Variants in CACNA2D1 observed in about 807,000 individuals in gnomAD.
CACNA2D1 encodes the protein voltage-dependent calcium channel subunit alpha-2/delta-1.
A neutral mutation model predicts 171.5 loss-of-function variants in CACNA2D1; 53 were observed. The observed-to-expected ratio is 0.31, with a 90% CI of 0.25 to 0.39. The LOEUF (loss-of-function observed/expected upper bound fraction) is 0.39. Ranked by LOEUF, CACNA2D1 falls within the 10% of genes least tolerant of loss-of-function variation. The pLI is 1.00. For missense variants in CACNA2D1, 903 were observed against 1,299.8 expected (o/e 0.69, Z 4.69); for synonymous variants, 442 against 443.1 (o/e 1.00, Z 0.03).
intron 3 of CACNA2D1, among the ~76,000 whole-genome samples, chr7:82,284,061 G>A (rs1389019741): frequency 6.6e-6 from 1 of 151,882 alleles, no homozygotes; most frequent in Non-Finnish European, 1.5e-5. Context: ...TGGGTGTAGT[G>A]GTGTGCACCT....
chr7:82,343,070 T>A (rs186967977), intron 2 of CACNA2D1: 19 of 152,336 alleles, frequency 1.2e-4, no homozygotes, highest in Admixed American at 3.9e-4. Context: ...TACACACATA[T>A]ATAAATGCAT....
chr7:82,153,146 G>A (rs548440192), intron 4 of CACNA2D1, among the ~76,000 whole-genome samples: 1 of 150,398 alleles, frequency 6.6e-6, no homozygotes, highest in South Asian at 2.1e-4. Flanking sequence ...TATATGAAAG[G>A]CTGAGACCTT....
At chr7:81,951,970 T>TTTTTTTTTTTTTTTTTTTTG (rs1584129420) in intron 38 of CACNA2D1, among the ~76,000 whole-genome samples, 14 of 23,958 alleles carry the variant, frequency 5.8e-4, no homozygotes, top group East Asian at 3.2e-3. Flanking sequence ...GTACAAAGTG[T>TTTTTTTTTTTTTTTTTTTTG]TTTTTTTTTT....
At chr7:82,097,126 C>T (rs545483968) in intron 6 of CACNA2D1, among the ~76,000 whole-genome samples, 19 of 152,166 alleles carry the variant, frequency 1.2e-4, no homozygotes, top group Middle Eastern at 3.4e-3. Context: ...CCAGTGAACT[C>T]GCTGTACAGG....
At chr7:82,014,974 C>T (rs1200283121) in intron 12 of CACNA2D1, among the ~76,000 whole-genome samples, 2 of 152,022 alleles carry the variant, frequency 1.3e-5, no homozygotes, top group Admixed American at 6.6e-5. Flanking sequence ...ATTGCTTGAA[C>T]CAGGGAGGCG....
At chr7:82,284,299 C>T (rs961891822) in intron 3 of CACNA2D1, among the ~76,000 whole-genome samples, 14 of 152,046 alleles carry the variant, frequency 9.2e-5, no homozygotes, top group African/African-American at 2.2e-4. Flanking sequence ...ATGAGCATCA[C>T]GTATCTTGTA....
At chr7:82,348,361 CTAGTAATCGAGATTTT>C (rs1346269403) in intron 2 of CACNA2D1, among the ~76,000 whole-genome samples, 1 of 151,944 alleles carries the variant, frequency 6.6e-6, no homozygotes, top group African/African-American at 2.4e-5. Flanking sequence ...TTTCTTTGCA[CTAGTAATCGAGATTTT>C]TTTTTTATCA....
In CACNA2D1 at chr7:82,144,301, A is replaced by G. The variant is rs190928130; in HGVS notation, c.355-7625T>C. Among the ~76,000 whole-genome samples, 43 of 152,184 alleles carry G rather than the reference A, an allele frequency of 2.8e-4. No homozygotes were observed. In the East Asian group the frequency reaches 6.9e-3, roughly 25 times the overall value. On this transcript the variant is annotated intron_variant, in intron 4 of 38. Coordinates refer to ENST00000356860, the MANE Select transcript of CACNA2D1 (RefSeq NM_000722.4). ...AATCTGATTTTCTATTACTAATAGTATTATTTGCTTAAAGTTTAATTTTTA... is the reference window on the plus strand; with the variant it reads ...AATCTGATTTTCTATTACTAATAGTGTTATTTGCTTAAAGTTTAATTTTTA...
chr7:82,091,273 C>G (rs1390494789), intron 6 of CACNA2D1, among the ~76,000 whole-genome samples: 1 of 152,162 alleles, frequency 6.6e-6, no homozygotes, highest in African/African-American at 2.4e-5. Context: ...CCACCTCGCA[C>G]TGAGGATGGG....
At chr7:82,012,330 G>T in intron 14 of CACNA2D1, 87 bp from the exon 15 acceptor site, 2 of 749,824 alleles carry the variant, frequency 2.7e-6, no homozygotes, top group Admixed American at 2.0e-5. Context: ...ATATTCTAGA[G>T]TTAAAAATGA....
At chr7:82,136,586 A>AT in intron 5 of CACNA2D1, 49 bp downstream of exon 5, 1 of 1,420,912 alleles carries the variant, frequency 7.0e-7, no homozygotes, top group Non-Finnish European at 9.8e-7. Context: ...AAGGCCAATC[A>AT]TTTTACTATA....
At chr7:81,967,778 G>C in intron 29 of CACNA2D1, 115 bp from the exon 30 acceptor site, 1 of 610,416 alleles carries the variant, frequency 1.6e-6, no homozygotes, top group South Asian at 2.0e-5. Context: ...AGAAGTTTTA[G>C]TTTTGTGTTC....
intron 18 of CACNA2D1, among the ~76,000 whole-genome samples, chr7:82,002,380 G>A (rs1798703206): frequency 6.6e-6 from 1 of 152,128 alleles, no homozygotes; most frequent in South Asian, 2.1e-4. Flanking sequence ...AGAACTGTGA[G>A]TTACTAAATT....
At chr7:82,179,334 G>GA (rs1796880340) in intron 3 of CACNA2D1, among the ~76,000 whole-genome samples, 1 of 151,880 alleles carries the variant, frequency 6.6e-6, no homozygotes, top group Admixed American at 6.6e-5. Flanking sequence ...CTGTGGAGAG[G>GA]AAAAAAACAA....
chr7:82,035,246 G>A lies in CACNA2D1; in HGVS notation c.1039-2345C>T, dbSNP rs374713780. On this transcript the variant is annotated intron_variant, in intron 11 of 38. Transcript: ENST00000356860. ...AATATTTTATGAAATGGTACCTGAA[G>A]ATTAATTCAAATCTAAATGTAAGTT... Among the ~76,000 whole-genome samples, 376 of 151,802 alleles carry A rather than the reference G, an allele frequency of 2.5e-3. 4 individuals carry two copies. Among genetic ancestry groups the A allele is most frequent in the South Asian group, 8.1e-3 (39 of 4,814 alleles).
chr7:82,131,872 G>A (rs185425766), intron 5 of CACNA2D1, among the ~76,000 whole-genome samples: 27 of 152,222 alleles, frequency 1.8e-4, no homozygotes, highest in East Asian at 5.8e-4. Flanking sequence ...ACCAGCCAAC[G>A]CATATATAAA....
chr7:82,067,710 T>C (rs571477116), intron 7 of CACNA2D1, among the ~76,000 whole-genome samples: 10 of 152,330 alleles, frequency 6.6e-5, no homozygotes, highest in African/African-American at 2.4e-4. Flanking sequence ...GAGTCTGCGA[T>C]GTAAAATAAT....
intron 3 of CACNA2D1, among the ~76,000 whole-genome samples, chr7:82,260,596 T>A (rs1806939210): frequency 6.6e-6 from 1 of 152,186 alleles, no homozygotes; most frequent in Admixed American, 6.5e-5. Context: ...CAGTAAGAGT[T>A]TTACATATGG....
intron 3 of CACNA2D1, among the ~76,000 whole-genome samples, chr7:82,181,231 C>T (rs1797112301): frequency 6.6e-6 from 1 of 151,814 alleles, no homozygotes; most frequent in Admixed American, 6.6e-5. Context: ...CCATGTTAAA[C>T]AAATTTATGA....
Sources: gnomAD v4.1 joint callset for allele counts (sites outside exome capture counted in the v4.1 genomes callset) on GRCh38, gnomAD v4.1.1 for gene constraint, MANE v1.5 for transcripts, NCBI Gene and HGNC (gene_info 2026-07-23, HGNC 2026-07-21) for gene names.